Variants in PAM observed in about 807,000 individuals in gnomAD.
The protein encoded by PAM is peptidyl-glycine alpha-amidating monooxygenase.
PAM carries 72 observed loss-of-function variants against 122.1 expected under a neutral mutation model. That is an observed-to-expected ratio of 0.59 (90% confidence interval 0.49 to 0.72). The LOEUF (loss-of-function observed/expected upper bound fraction) is 0.72. Ranked by LOEUF, PAM falls within the 30% of genes least tolerant of loss-of-function variation. PAM has a pLI of 0.00. For synonymous variants in PAM, 389 were observed against 404.4 expected, an observed-to-expected ratio of 0.96 and a Z score of 0.46; for missense variants, 1,106 against 1,183.7, an observed-to-expected ratio of 0.93 and a Z score of 0.96.
At chr5:102,921,987 A>G (rs1244738472) in intron 5 of PAM, among the ~76,000 whole-genome samples, 3 of 152,184 alleles carry the variant, frequency 2.0e-5, no homozygotes, top group Non-Finnish European at 4.4e-5. Flanking sequence ...TAGGCAAACA[A>G]TAATTCAAAT....
At chr5:102,801,829 A>T in intron 1 of PAM, among the ~76,000 whole-genome samples, 1 of 120,736 alleles carries the variant, frequency 8.3e-6, no homozygotes, top group Non-Finnish European at 1.6e-5. Flanking sequence ...CCCAGGCTGG[A>T]GTGCAGTGGC....
Position 102,814,294 on chromosome 5 carries a change from AT to A in PAM, c.-373-51526del, listed in dbSNP as rs750233939. On this transcript the variant is annotated intron_variant, in intron 1 of 25. Transcript: ENST00000438793. ...GTAGAGAAAATGACAGAGGAATATG[AT>A]TTACTAATGGTGTTATTAGAGTACA... Among the ~76,000 whole-genome samples, 169 of 152,244 alleles carry A rather than the reference AT, an allele frequency of 1.1e-3. 2 individuals carry two copies. Among genetic ancestry groups the A allele is most frequent in the Non-Finnish European group, 9.3e-4 (63 of 68,012 alleles).
chr5:102,909,039 T>G (rs1334068696), intron 4 of PAM, among the ~76,000 whole-genome samples: 1 of 151,846 alleles, frequency 6.6e-6, no homozygotes, highest in African/African-American at 2.4e-5. Context: ...TAATCATTAT[T>G]TTTTTGGAAA....
chr5:102,903,574 G>C (rs368571766), intron 4 of PAM, among the ~76,000 whole-genome samples: 2 of 151,564 alleles, frequency 1.3e-5, no homozygotes, highest in East Asian at 3.9e-4. Context: ...TCTCATTTAT[G>C]TAACGGCTGG....
At chr5:102,800,860 T>C (rs1440954477) in intron 1 of PAM, among the ~76,000 whole-genome samples, 2 of 152,126 alleles carry the variant, frequency 1.3e-5, no homozygotes, top group Non-Finnish European at 2.9e-5. Flanking sequence ...GTAATTAATA[T>C]TTTACAGGAA....
rs1771681889 is a variant in PAM, at chr5:102,820,924, A to G, written c.-373-44899A>G. 4.6e-5 allele frequency among the ~76,000 whole-genome samples: 7 copies of G among 152,310 alleles called. 1 individual carries two copies. In the South Asian group the frequency reaches 1.5e-3, roughly 32 times the overall value. On this transcript the variant is annotated intron_variant, in intron 1 of 25. Coordinates refer to ENST00000438793, the MANE Select transcript of PAM (RefSeq NM_001177306.2). ...TTCCTGTGGAAACCCACTTACAAGA[A>G]AGGGCAAGAGTGACTTGGATTTTGG...
chr5:102,894,532 G>A lies in PAM; in HGVS notation c.211-6824G>A, dbSNP rs371584290. On this transcript the variant is annotated intron_variant, in intron 3 of 25. Transcript: ENST00000438793. ...TTTTTCTGTCTACTCTCAATACGCTGCCTCCTCTACACACATTGCCCAATT... is the reference window on the plus strand; with the variant it reads ...TTTTTCTGTCTACTCTCAATACGCTACCTCCTCTACACACATTGCCCAATT... Among the ~76,000 whole-genome samples the A allele has an allele frequency of 1.0e-3, 157 of 151,472 alleles. No individual in the cohort carries two copies. The South Asian group carries it at 0.014, about 13-fold the overall frequency.
chr5:102,944,372 A>G (rs1471602589), intron 7 of PAM, among the ~76,000 whole-genome samples: 2 of 152,114 alleles, frequency 1.3e-5, no homozygotes, highest in Non-Finnish European at 2.9e-5. Flanking sequence ...TTGCCTGTGT[A>G]CCTTTGAGAG....
chr5:102,755,991 C>T (rs1322329894), intron 1 of PAM, among the ~76,000 whole-genome samples: 1 of 152,174 alleles, frequency 6.6e-6, no homozygotes, highest in African/African-American at 2.4e-5. Context: ...GAAGTATCCA[C>T]CACTTGGGAT....
chr5:102,949,620 A>T lies in PAM; in HGVS notation c.724+3A>T, dbSNP rs373201126. On this transcript the variant is annotated splice_donor_region_variant and intron_variant, in intron 10 of 25. Coordinates refer to ENST00000438793, the MANE Select transcript of PAM (RefSeq NM_001177306.2). Reference sequence around the variant, plus strand: ...TAGAGTTCACACTCACCATTTAGGTAAGAACTTTACATGTTAAATTATAAA... The same window carrying T: ...TAGAGTTCACACTCACCATTTAGGTTAGAACTTTACATGTTAAATTATAAA... The T allele has an allele frequency of 7.7e-7, 1 of 1,303,612 alleles. No homozygotes were observed. Among genetic ancestry groups the T allele is most frequent in the Non-Finnish European group, 1.1e-6 (1 of 898,842 alleles). The allele number at this position is 1,303,612 out of a possible 1,614,324, so 80.8% of individuals were successfully genotyped here.
At chr5:102,801,585 A>G (rs1482210496) in intron 1 of PAM, among the ~76,000 whole-genome samples, 1 of 152,164 alleles carries the variant, frequency 6.6e-6, no homozygotes, top group East Asian at 1.9e-4. Context: ...TGCTTCCTTC[A>G]GAAGCGTTAT....
chr5:102,982,793 A>G (rs186338306), intron 15 of PAM, among the ~76,000 whole-genome samples: 296 of 152,324 alleles, frequency 1.9e-3, no homozygotes, highest in Non-Finnish European at 2.4e-3. Flanking sequence ...AGAGGTATCA[A>G]TGTAAGGACA....
intron 1 of PAM, chr5:102,807,933 A>G (rs1050959063): frequency 6.6e-6 from 1 of 152,196 alleles, no homozygotes; most frequent in African/African-American, 2.4e-5. Context: ...GAATTCATCG[A>G]GTCCTCTTGC....
At chr5:102,823,958 T>A (rs1418051862) in intron 1 of PAM, among the ~76,000 whole-genome samples, 1 of 152,230 alleles carries the variant, frequency 6.6e-6, no homozygotes, top group Non-Finnish European at 1.5e-5. Context: ...AAAGTTTCAT[T>A]ATGTAATCTT....
intron 22 of PAM, among the ~76,000 whole-genome samples, chr5:103,019,101 G>A (rs1030034787): frequency 3.3e-5 from 5 of 151,816 alleles, no homozygotes; most frequent in African/African-American, 1.2e-4. Flanking sequence ...TACCACCCTA[G>A]TGGTTTGAAA....
chr5:102,897,244 T>C (rs1308715607), intron 3 of PAM, among the ~76,000 whole-genome samples: 1 of 151,540 alleles, frequency 6.6e-6, no homozygotes, highest in Non-Finnish European at 1.5e-5. Context: ...TTAGGGTTCC[T>C]TACCAGTTTG....
intron 16 of PAM, among the ~76,000 whole-genome samples, chr5:102,993,374 C>G (rs916083564): frequency 2.0e-5 from 3 of 152,112 alleles, no homozygotes; most frequent in African/African-American, 7.2e-5. Context: ...CGCCACCCCA[C>G]TCAAAGTGTT....
intron 16 of PAM, among the ~76,000 whole-genome samples, chr5:102,991,914 G>T (rs1165983155): frequency 1.3e-5 from 2 of 152,074 alleles, no homozygotes; most frequent in Non-Finnish European, 2.9e-5. Flanking sequence ...TTTACCAGAG[G>T]AGAAAATTAC....
At chr5:102,768,018 C>T (rs183462996) in intron 1 of PAM, among the ~76,000 whole-genome samples, 4 of 152,104 alleles carry the variant, frequency 2.6e-5, no homozygotes, top group Non-Finnish European at 2.9e-5. Context: ...ATAAGCTCAT[C>T]GATGTAATGC....
Sources: allele counts gnomAD v4.1 joint callset (sites outside exome capture counted in the v4.1 genomes callset), GRCh38; gene constraint gnomAD v4.1.1; transcripts MANE v1.5; gene names NCBI Gene and HGNC (gene_info 2026-07-23, HGNC 2026-07-21).